MDGA2: variants seen among roughly 807,000 people sequenced by gnomAD.
The protein encoded by MDGA2 is MAM domain-containing glycosylphosphatidylinositol anchor protein 2.
Under a neutral mutation model 117.8 loss-of-function variants are expected in MDGA2, and 40 were observed. The ratio of observed to expected loss-of-function variants is 0.34; its 90% CI spans 0.26 to 0.44. The LOEUF (loss-of-function observed/expected upper bound fraction) is 0.44. MDGA2 is among the 20% of genes least tolerant of loss of function. The pLI, the probability that MDGA2 is intolerant of heterozygous loss-of-function variation, is 1.00. For missense variants in MDGA2, 1,123 were observed against 1,250.6 expected, an observed-to-expected ratio of 0.90 and a Z score of 1.54; for synonymous variants, 452 against 439.0, an observed-to-expected ratio of 1.03 and a Z score of -0.37.
chr14:46,883,989 T>C (rs1470106140), intron 10 of MDGA2, among the ~76,000 whole-genome samples: 2 of 152,094 alleles, frequency 1.3e-5, no homozygotes, highest in African/African-American at 4.8e-5. Flanking sequence ...GGGGCTTTTC[T>C]CCTTTTATTT....
At chr14:47,403,420 A>T (rs1175677131) in intron 1 of MDGA2, among the ~76,000 whole-genome samples, 1 of 151,828 alleles carries the variant, frequency 6.6e-6, no homozygotes, top group Non-Finnish European at 1.5e-5. Context: ...TGAATGTTGG[A>T]TGATCACATT....
chr14:47,162,255 C>T (rs753738886), intron 3 of MDGA2, among the ~76,000 whole-genome samples: 2 of 152,050 alleles, frequency 1.3e-5, no homozygotes, highest in Non-Finnish European at 2.9e-5. Context: ...AACCCACATT[C>T]TTGACCCATT....
chr14:46,896,676 C>T (rs951926927), intron 10 of MDGA2, among the ~76,000 whole-genome samples: 2 of 151,908 alleles, frequency 1.3e-5, no homozygotes, highest in African/African-American at 2.4e-5. Context: ...GCTCTCTATA[C>T]GTTTTCTTTG....
chr14:47,307,656 C>A (rs892380458), intron 1 of MDGA2, among the ~76,000 whole-genome samples: 2 of 151,232 alleles, frequency 1.3e-5, no homozygotes, highest in African/African-American at 4.9e-5. Flanking sequence ...TCACTGCACT[C>A]CAGCCTAGGT....
At chr14:47,374,364 T>C (rs906671095) in intron 1 of MDGA2, among the ~76,000 whole-genome samples, 1 of 152,116 alleles carries the variant, frequency 6.6e-6, no homozygotes. Flanking sequence ...ATTCAGATCT[T>C]TTCCCTCGAT....
chr14:47,447,156 A>G (rs1893140554), intron 1 of MDGA2, among the ~76,000 whole-genome samples: 1 of 152,166 alleles, frequency 6.6e-6, no homozygotes, highest in African/African-American at 2.4e-5. Flanking sequence ...TCACCATTTT[A>G]GCAATAAAAC....
At chr14:46,918,073 AAC>A (rs1209348248) in intron 10 of MDGA2, among the ~76,000 whole-genome samples, 1 of 152,190 alleles carries the variant, frequency 6.6e-6, no homozygotes, top group Non-Finnish European at 1.5e-5. Flanking sequence ...ATGAACTTAA[AAC>A]ACACAGCTAG....
rs1318151784 is a variant in MDGA2, at chr14:47,086,099, TTTTTTTTG to T, written c.1195+10747_1195+10754del. Among the ~76,000 whole-genome samples the T allele has an allele frequency of 9.0e-4, 126 of 140,454 alleles. 1 individual carries two copies. The East Asian group carries it at 0.024, about 26-fold the overall frequency. The allele number at this position is 140,454 out of a possible 152,430, so 92.1% of individuals were successfully genotyped here. A position where few individuals can be genotyped will look rare whatever the true frequency, so the allele number is the denominator to read the frequency against. ...ATGGACTTTCAATGTGTAAGGTTTT[TTTTTTTTG>T]TTTTTTGTTTTTTGTTTTTTTTTTA... On this transcript the variant is annotated intron_variant, in intron 6 of 16. Coordinates refer to ENST00000399232, the MANE Select transcript of MDGA2 (RefSeq NM_001113498.3).
intron 10 of MDGA2, among the ~76,000 whole-genome samples, chr14:46,917,109 G>A (rs1481632569): frequency 6.6e-6 from 1 of 151,482 alleles, no homozygotes; most frequent in East Asian, 1.9e-4. Context: ...AACTCGAAGT[G>A]GAAGAGAAAA....
chr14:47,106,572 A>G (rs1225665403), intron 5 of MDGA2, among the ~76,000 whole-genome samples: 1 of 151,976 alleles, frequency 6.6e-6, no homozygotes, highest in Non-Finnish European at 1.5e-5. Context: ...CTCACCTGGC[A>G]GCCACTCCCA....
At chr14:46,929,098 G>T (rs1566529815) in intron 9 of MDGA2, among the ~76,000 whole-genome samples, 2 of 152,096 alleles carry the variant, frequency 1.3e-5, no homozygotes, top group African/African-American at 4.8e-5. Context: ...GTTACAGTTT[G>T]CAGTGTATTG....
At chr14:47,444,506 G>A in intron 1 of MDGA2, 1 of 185,176 alleles carries the variant, frequency 5.4e-6, no homozygotes, top group South Asian at 1.3e-4. Context: ...ATGGTGGCAT[G>A]GAAAGATGGT....
chr14:47,386,593 AAGAG>A (rs1891765254), intron 1 of MDGA2, among the ~76,000 whole-genome samples: 1 of 152,210 alleles, frequency 6.6e-6, no homozygotes, highest in Non-Finnish European at 1.5e-5. Context: ...AGTTAAGAAG[AAGAG>A]TGAAAACATA....
chr14:47,548,014 A>G (rs1185002610), intron 1 of MDGA2, among the ~76,000 whole-genome samples: 2 of 152,224 alleles, frequency 1.3e-5, no homozygotes, highest in East Asian at 3.9e-4. Flanking sequence ...ATCCTTATAT[A>G]TGATAAATCC....
intron 3 of MDGA2, among the ~76,000 whole-genome samples, chr14:47,213,953 A>G (rs1885984469): frequency 6.6e-6 from 1 of 152,130 alleles, no homozygotes; most frequent in South Asian, 2.1e-4. Context: ...CACAGAATGG[A>G]AAGAGTACCT....
At chr14:47,253,549 G>A (rs1887516380) in intron 2 of MDGA2, among the ~76,000 whole-genome samples, 1 of 152,246 alleles carries the variant, frequency 6.6e-6, no homozygotes, top group African/African-American at 2.4e-5. Flanking sequence ...TGATGCAAGA[G>A]GTGGGTTCCC....
At chr14:47,602,841 G>A (rs1313920963) in intron 1 of MDGA2, among the ~76,000 whole-genome samples, 1 of 152,184 alleles carries the variant, frequency 6.6e-6, no homozygotes, top group East Asian at 1.9e-4. Flanking sequence ...GCTCCACAGT[G>A]CGGAACGTTA....
At chr14:47,241,398 T>G (rs1887035234) in intron 2 of MDGA2, among the ~76,000 whole-genome samples, 1 of 151,864 alleles carries the variant, frequency 6.6e-6, no homozygotes, top group Non-Finnish European at 1.5e-5. Context: ...TCCCTGGGAC[T>G]TAGAAAAATC....
chr14:47,328,792 T>G, intron 1 of MDGA2, among the ~76,000 whole-genome samples: 1 of 152,230 alleles, frequency 6.6e-6, no homozygotes, highest in East Asian at 1.9e-4. Flanking sequence ...AACTGAGTGA[T>G]TTTAAAATAT....
Sources: allele counts gnomAD v4.1 joint callset (sites outside exome capture counted in the v4.1 genomes callset), GRCh38; gene constraint gnomAD v4.1.1; transcripts MANE v1.5; gene names NCBI Gene and HGNC (gene_info 2026-07-23, HGNC 2026-07-21).